SRBD1: variants seen among roughly 807,000 people sequenced by gnomAD.
SRBD1 encodes the protein S1 RNA-binding domain-containing protein 1.
In SRBD1, 88 loss-of-function variants were observed where a neutral mutation model predicts 115.3. The ratio of observed to expected loss-of-function variants is 0.76; its 90% CI spans 0.64 to 0.91. SRBD1 has a LOEUF of 0.91. Ranked by LOEUF, SRBD1 falls within the 40% of genes least tolerant of loss-of-function variation. SRBD1 has a pLI of 0.00. For missense variants in SRBD1, 1,385 were observed against 1,177.4 expected (o/e 1.18, Z -2.58); for synonymous variants, 509 against 407.7 (o/e 1.25, Z -2.99).
At chr2:45,480,013 C>T (rs1211698814) in intron 15 of SRBD1, among the ~76,000 whole-genome samples, 1 of 152,120 alleles carries the variant, frequency 6.6e-6, no homozygotes, top group Non-Finnish European at 1.5e-5. Context: ...ACAAAGCCTG[C>T]ACGATGGCAC....
Position 45,574,630 on chromosome 2 carries a change from T to C in SRBD1, c.1166A>G (p.Asn389Ser). 1 of 1,612,782 alleles carries C rather than the reference T, an allele frequency of 6.2e-7. No homozygotes were observed. The highest frequency in any genetic ancestry group is 8.5e-7 in the Non-Finnish European group (1 of 1,179,510). Residue 389 changes from asparagine to serine, a missense_variant, in exon 8 of 21, where the codon AAC (asparagine) becomes AGC (serine). Coordinates refer to ENST00000263736, the MANE Select transcript of SRBD1 (RefSeq NM_018079.5). Reference sequence around the variant, plus strand: ...ACTCCATAAAAGAGATACTCACAAGTTCCGAATGAAGTCAAGCGTGTCTTT... The same window carrying C: ...ACTCCATAAAAGAGATACTCACAAGCTCCGAATGAAGTCAAGCGTGTCTTT... ...KDKDTLDFIRNLCQKRHVCIQ... is the reference protein window; with the variant it reads ...KDKDTLDFIRSLCQKRHVCIQ...
chr2:45,521,288 C>CACACAA (rs569401460), intron 14 of SRBD1, among the ~76,000 whole-genome samples: 3,578 of 119,964 alleles, frequency 0.03, 132 homozygotes, highest in African/African-American at 0.15. Context: ...AAAAGGAAAA[C>CACACAA]ACACACACAC....
intron 15 of SRBD1, among the ~76,000 whole-genome samples, chr2:45,487,271 ACTT>A (rs1670150322): frequency 6.6e-6 from 1 of 152,218 alleles, no homozygotes. Flanking sequence ...CTAAATATTC[ACTT>A]ATTATACAGA....
intron 10 of SRBD1, among the ~76,000 whole-genome samples, chr2:45,555,820 C>T (rs1412554130): frequency 6.6e-6 from 1 of 152,104 alleles, no homozygotes; most frequent in Non-Finnish European, 1.5e-5. Flanking sequence ...GCTACAAACC[C>T]TGCTGTCTTG....
intron 16 of SRBD1, among the ~76,000 whole-genome samples, chr2:45,428,423 C>T (rs541647764): frequency 6.6e-6 from 1 of 152,016 alleles, no homozygotes; most frequent in African/African-American, 2.4e-5. Flanking sequence ...TGGTGGCAAG[C>T]GCCTGTAGTC....
At chr2:45,539,827 C>T (rs1009256498) in intron 14 of SRBD1, among the ~76,000 whole-genome samples, 3 of 151,686 alleles carry the variant, frequency 2.0e-5, no homozygotes, top group African/African-American at 4.8e-5. Flanking sequence ...AAGAACTGAA[C>T]AAAAAAGGAA....
chr2:45,553,006 G>A (rs1672351483), intron 11 of SRBD1, among the ~76,000 whole-genome samples: 1 of 152,154 alleles, frequency 6.6e-6, no homozygotes, highest in African/African-American at 2.4e-5. Flanking sequence ...TATTTTGGAA[G>A]GAATGAATTA....
At position 45,450,178 on chromosome 2, in the gene SRBD1, C is replaced by T. The variant is rs552844813; in HGVS notation, c.2049+26815G>A. On this transcript the variant is annotated intron_variant, in intron 16 of 20. Coordinates refer to ENST00000263736, the MANE Select transcript of SRBD1 (RefSeq NM_018079.5). Reference sequence around the variant, plus strand: ...GAAATCAAATACAAGAAAAGTTGGCCATTTGAAAAATTAAAGATTATCACT... The same window carrying T: ...GAAATCAAATACAAGAAAAGTTGGCTATTTGAAAAATTAAAGATTATCACT... Among the ~76,000 whole-genome samples, 24 of 152,114 alleles carry T rather than the reference C, an allele frequency of 1.6e-4. No individual in the cohort carries two copies. In the South Asian group the frequency reaches 5.0e-3, roughly 32 times the overall value.
intron 16 of SRBD1, among the ~76,000 whole-genome samples, chr2:45,445,809 G>C (rs1387477936): frequency 6.6e-6 from 1 of 152,068 alleles, no homozygotes; most frequent in Non-Finnish European, 1.5e-5. Flanking sequence ...AAAGGCTCAA[G>C]TTCTACAATT....
intron 16 of SRBD1, among the ~76,000 whole-genome samples, chr2:45,473,114 T>C (rs969223376): frequency 2.0e-5 from 3 of 152,078 alleles, no homozygotes; most frequent in Non-Finnish European, 4.4e-5. Flanking sequence ...GTTTATTTCC[T>C]ATACTTTCTT....
intron 15 of SRBD1, among the ~76,000 whole-genome samples, chr2:45,479,125 G>C (rs561406769): frequency 1.3e-5 from 2 of 152,240 alleles, no homozygotes; most frequent in African/African-American, 4.8e-5. Context: ...AATGATGTCT[G>C]TGTCCTGACT....
intron 16 of SRBD1, among the ~76,000 whole-genome samples, chr2:45,460,576 G>A (rs1187891410): frequency 2.0e-5 from 3 of 152,132 alleles, no homozygotes; most frequent in African/African-American, 7.2e-5. Context: ...AATAACTTAT[G>A]TTCTGCATTG....
intron 16 of SRBD1, among the ~76,000 whole-genome samples, chr2:45,432,143 C>T (rs1668360222): frequency 6.6e-6 from 1 of 152,084 alleles, no homozygotes; most frequent in Admixed American, 6.5e-5. Flanking sequence ...GGTTCTCCCG[C>T]CTCAGCCTCC....
rs1292808022 is a variant in SRBD1, at chr2:45,409,036, T to C, written c.2513+4078A>G. On this transcript the variant is annotated intron_variant, in intron 19 of 20. Transcript: ENST00000263736. ...GAGTTCAAGACCAGCCTGGACAACA[T>C]GGTGAAGCCCCGTTTCTACTAAAAA... 3.3e-5 allele frequency among the ~76,000 whole-genome samples: 5 copies of C among 152,166 alleles called. No homozygotes were observed. In the East Asian group the frequency reaches 9.7e-4, roughly 29 times the overall value.
At chr2:45,570,626 A>G (rs922311833) in intron 9 of SRBD1, among the ~76,000 whole-genome samples, 1 of 152,242 alleles carries the variant, frequency 6.6e-6, no homozygotes. Context: ...TAAAAATTTT[A>G]TAACAACGAA....
At chr2:45,420,547 G>C (rs1667965862) in intron 16 of SRBD1, among the ~76,000 whole-genome samples, 1 of 152,144 alleles carries the variant, frequency 6.6e-6, no homozygotes, top group Non-Finnish European at 1.5e-5. Context: ...TATTGAAAGA[G>C]CTCTTTAGAC....
At chr2:45,467,330 C>T (rs1669519941) in intron 16 of SRBD1, among the ~76,000 whole-genome samples, 1 of 152,160 alleles carries the variant, frequency 6.6e-6, no homozygotes, top group South Asian at 2.1e-4. Context: ...TTTAAAAACT[C>T]CCCTGCATAA....
At position 45,501,680 on chromosome 2, in the gene SRBD1, C is replaced by T. The variant is rs537856237; in HGVS notation, c.1875-13349G>A. 1.1e-4 allele frequency among the ~76,000 whole-genome samples: 16 copies of T among 152,288 alleles called. No homozygotes were observed. The East Asian group carries it at 2.7e-3, about 26-fold the overall frequency. On this transcript the variant is annotated intron_variant, in intron 14 of 20. Transcript: ENST00000263736. ...CTCGGAGGGTCCCACACCCACAGAG[C>T]CTTGCTCATTGGTAGCACAGCAGTC... is the stretch of plus-strand genomic sequence containing the variant.
At chr2:45,564,121 A>C (rs1470732589) in intron 9 of SRBD1, among the ~76,000 whole-genome samples, 1 of 152,218 alleles carries the variant, frequency 6.6e-6, no homozygotes, top group African/African-American at 2.4e-5. Flanking sequence ...AATTCCAGGA[A>C]TGCCCGGTTG....
Sources: gnomAD v4.1 joint callset for allele counts (sites outside exome capture counted in the v4.1 genomes callset) on GRCh38, gnomAD v4.1.1 for gene constraint, MANE v1.5 for transcripts, NCBI Gene and HGNC (gene_info 2026-07-23, HGNC 2026-07-21) for gene names.